The following ATP8A2 variants were observed in gnomAD, a reference collection of about 807,000 sequenced individuals.
ATP8A2 encodes the protein phospholipid-transporting ATPase IB.
A neutral mutation model predicts 165.6 loss-of-function variants in ATP8A2; 100 were observed. The ratio of observed to expected loss-of-function variants is 0.60; its 90% CI spans 0.51 to 0.71. The LOEUF is 0.71. Ranked by LOEUF, ATP8A2 falls within the 30% of genes least tolerant of loss-of-function variation. The pLI is 0.00. For synonymous variants in ATP8A2, 543 were observed against 548.8 expected, an observed-to-expected ratio of 0.99 and a Z score of 0.15; for missense variants, 1,227 against 1,479.5, an observed-to-expected ratio of 0.83 and a Z score of 2.80.
intron 1 of ATP8A2, among the ~76,000 whole-genome samples, chr13:25,373,073 A>C (rs1013044419): frequency 6.6e-6 from 1 of 152,158 alleles, no homozygotes; most frequent in African/African-American, 2.4e-5. Context: ...GTGGAGCTGG[A>C]TGTTATGTGG....
chr13:25,893,552 T>C (rs1311398524), intron 33 of ATP8A2, among the ~76,000 whole-genome samples: 13 of 152,026 alleles, frequency 8.6e-5, no homozygotes, highest in African/African-American at 2.4e-4. Context: ...TTATAATCCT[T>C]TGGGTATATA....
At chr13:25,475,608 T>C (rs1422635277) in intron 2 of ATP8A2, among the ~76,000 whole-genome samples, 3 of 152,230 alleles carry the variant, frequency 2.0e-5, no homozygotes, top group Non-Finnish European at 4.4e-5. Context: ...CTTTTCACAG[T>C]AGTTGAACTA....
At chr13:25,892,601 C>CTCTCT (rs1953406801) in intron 33 of ATP8A2, among the ~76,000 whole-genome samples, 1 of 151,398 alleles carries the variant, frequency 6.6e-6, no homozygotes, top group African/African-American at 2.4e-5. Context: ...CTCTCTCTCT[C>CTCTCT]CCTCCTCCTC....
In ATP8A2 at chr13:25,829,671, T is replaced by TAG. The variant is rs1479360284; in HGVS notation, c.2754+1480_2754+1481insGA. On this transcript the variant is annotated intron_variant, in intron 28 of 36. Transcript: ENST00000381655. ...TGTAGAGCCAAGGACAGGTGTGGTATATATATATATATATATATATATATA... is the reference window on the plus strand; with the variant it reads ...TGTAGAGCCAAGGACAGGTGTGGTATAGATATATATATATATATATATATATA... Among the ~76,000 whole-genome samples the TAG allele has an allele frequency of 4.0e-4, 3 of 7,422 alleles. No individual in the cohort carries two copies. In the East Asian group the frequency reaches 0.015, roughly 37 times the overall value. The allele number at this position is 7,422 out of a possible 152,430, so 4.9% of individuals were successfully genotyped here. A position where few individuals can be genotyped will look rare whatever the true frequency, so the allele number is the denominator to read the frequency against.
chr13:25,528,393 G>A (rs1186453617), intron 2 of ATP8A2, among the ~76,000 whole-genome samples: 3 of 152,184 alleles, frequency 2.0e-5, no homozygotes, highest in South Asian at 2.1e-4. Context: ...TGTGAAATGC[G>A]AGGCCATTGT....
intron 33 of ATP8A2, among the ~76,000 whole-genome samples, chr13:25,907,717 C>A (rs1953986456): frequency 6.6e-6 from 1 of 152,178 alleles, no homozygotes; most frequent in African/African-American, 2.4e-5. Context: ...TTTGCCATCA[C>A]AGGCTTTCTT....
chr13:25,805,361 A>G (rs1480016041), intron 27 of ATP8A2, among the ~76,000 whole-genome samples: 1 of 152,046 alleles, frequency 6.6e-6, no homozygotes, highest in Non-Finnish European at 1.5e-5. Context: ...ATGCAAAAAT[A>G]CAAAATTAGC....
At chr13:25,963,811 C>T (rs1408624671) in intron 34 of ATP8A2, among the ~76,000 whole-genome samples, 1 of 152,222 alleles carries the variant, frequency 6.6e-6, no homozygotes, top group East Asian at 1.9e-4. Context: ...TAATCATTCC[C>T]TGTCATCACA....
chr13:25,540,307 C>A lies in ATP8A2; in HGVS notation c.582-12C>A. On this transcript the variant is annotated splice_polypyrimidine_tract_variant and intron_variant, in intron 7 of 36. Coordinates refer to ENST00000381655, the MANE Select transcript of ATP8A2 (RefSeq NM_016529.6). Reference sequence around the variant, plus strand: ...CCTTATGAAACTTGGCTCTTTTTTTCTCTCTCCTTAGTGAACCTCAGGCAA... The same window carrying A: ...CCTTATGAAACTTGGCTCTTTTTTTATCTCTCCTTAGTGAACCTCAGGCAA... 1 of 1,607,962 alleles carries A rather than the reference C, an allele frequency of 6.2e-7. No individual in the cohort carries two copies. The highest frequency in any genetic ancestry group is 8.5e-7 in the Non-Finnish European group (1 of 1,175,756).
chr13:26,015,039 G>C (rs1956937211), intron 36 of ATP8A2, among the ~76,000 whole-genome samples: 1 of 152,098 alleles, frequency 6.6e-6, no homozygotes, highest in Admixed American at 6.5e-5. Flanking sequence ...TATATATGTT[G>C]TGATCAAAGA....
chr13:25,461,099 A>T (rs1195665096), intron 1 of ATP8A2, among the ~76,000 whole-genome samples: 2 of 152,218 alleles, frequency 1.3e-5, no homozygotes, highest in African/African-American at 4.8e-5. Context: ...TCTGATCTGA[A>T]ACAAAGAAAG....
At chr13:25,637,123 A>G (rs991297388) in intron 24 of ATP8A2, among the ~76,000 whole-genome samples, 2 of 123,772 alleles carry the variant, frequency 1.6e-5, no homozygotes, top group Non-Finnish European at 3.6e-5. Flanking sequence ...AAAAAAAAAG[A>G]TTAAAAACAA....
chr13:25,431,349 A>T (rs2034605753), intron 1 of ATP8A2, among the ~76,000 whole-genome samples: 1 of 152,052 alleles, frequency 6.6e-6, no homozygotes, highest in African/African-American at 2.4e-5. Context: ...GGGTTTCTCC[A>T]TGTTGGTCAG....
At chr13:25,845,551 G>A (rs964560028) in intron 30 of ATP8A2, among the ~76,000 whole-genome samples, 2 of 152,070 alleles carry the variant, frequency 1.3e-5, no homozygotes, top group African/African-American at 4.8e-5. Flanking sequence ...TACTAATTAC[G>A]CAACTGGGCC....
intron 24 of ATP8A2, among the ~76,000 whole-genome samples, chr13:25,604,655 ATCAG>A (rs1372500160): frequency 6.6e-6 from 1 of 152,224 alleles, no homozygotes; most frequent in Non-Finnish European, 1.5e-5. Flanking sequence ...AATTATTTGA[ATCAG>A]TCAGAACTTT....
At chr13:25,730,771 G>C (rs886646597) in intron 25 of ATP8A2, among the ~76,000 whole-genome samples, 1 of 151,952 alleles carries the variant, frequency 6.6e-6, no homozygotes, top group African/African-American at 2.4e-5. Context: ...ATTATTGTTT[G>C]ATTTTTTTTA....
intron 2 of ATP8A2, among the ~76,000 whole-genome samples, chr13:25,504,996 T>A (rs1169944394): frequency 1.3e-5 from 2 of 152,104 alleles, no homozygotes. Flanking sequence ...ATTGTTTAGT[T>A]GTTGGGGAAA....
chr13:25,667,069 A>G (rs1044181747), intron 24 of ATP8A2, among the ~76,000 whole-genome samples: 4 of 152,166 alleles, frequency 2.6e-5, no homozygotes, highest in Non-Finnish European at 5.9e-5. Context: ...ATGTTTTGCA[A>G]CCACCACCTC....
chr13:25,402,714 C>T (rs2033676421), intron 1 of ATP8A2, among the ~76,000 whole-genome samples: 1 of 152,132 alleles, frequency 6.6e-6, no homozygotes, highest in South Asian at 2.1e-4. Flanking sequence ...ATGATTTGGC[C>T]CTGAGGGCTC....
Sources: gnomAD v4.1 joint callset for allele counts (sites outside exome capture counted in the v4.1 genomes callset) on GRCh38, gnomAD v4.1.1 for gene constraint, MANE v1.5 for transcripts, NCBI Gene and HGNC (gene_info 2026-07-23, HGNC 2026-07-21) for gene names.